RABGAP1: variants seen among roughly 807,000 people sequenced by gnomAD.
The protein encoded by RABGAP1 is rab GTPase-activating protein 1.
RABGAP1 carries 23 observed loss-of-function variants against 137.6 expected under a neutral mutation model. That is an observed-to-expected ratio of 0.17 (90% confidence interval 0.12 to 0.24). RABGAP1 has a LOEUF of 0.24. RABGAP1 is among the 10% of genes least tolerant of loss of function. The pLI, the probability that RABGAP1 is intolerant of heterozygous loss-of-function variation, is 1.00. For missense variants in RABGAP1, 906 were observed against 1,275.8 expected (o/e 0.71, Z 4.42); for synonymous variants, 451 against 450.7 (o/e 1.00, Z -0.01).
intron 25 of RABGAP1, 118 bp downstream of exon 25, chr9:123,101,881 C>T: frequency 2.8e-6 from 3 of 1,090,496 alleles, no homozygotes; most frequent in Non-Finnish European, 3.8e-6. Context: ...ACTTTGGTCA[C>T]AGTTGTCATG....
At chr9:122,946,851 G>T (rs771761457) in intron 1 of RABGAP1, among the ~76,000 whole-genome samples, 19 of 152,082 alleles carry the variant, frequency 1.2e-4, no homozygotes, top group Non-Finnish European at 2.5e-4. Context: ...TCTGTTTTAT[G>T]CACATTTCAT....
At chr9:123,042,805 C>T (rs1053370336) in intron 13 of RABGAP1, among the ~76,000 whole-genome samples, 13 of 152,070 alleles carry the variant, frequency 8.5e-5, no homozygotes, top group Non-Finnish European at 1.5e-4. Context: ...CTGAAAGATA[C>T]GTGTTTTCAT....
At chr9:123,046,524 C>G (rs762585127) in intron 13 of RABGAP1, among the ~76,000 whole-genome samples, 46 of 148,630 alleles carry the variant, frequency 3.1e-4, no homozygotes, top group Non-Finnish European at 6.3e-4. Context: ...GCTGTGAGAC[C>G]TGGGGCAAAG....
At chr9:122,966,998 C>T (rs1588182270) in intron 2 of RABGAP1, among the ~76,000 whole-genome samples, 1 of 152,154 alleles carries the variant, frequency 6.6e-6, no homozygotes, top group Admixed American at 6.5e-5. Context: ...CAGGTTCCTC[C>T]CACAACACAT....
intron 13 of RABGAP1, among the ~76,000 whole-genome samples, chr9:123,022,273 C>T (rs1234884032): frequency 2.6e-5 from 4 of 151,896 alleles, no homozygotes; most frequent in East Asian, 1.9e-4. Context: ...AAAGTGGTGA[C>T]GTCTGTTGAT....
intron 15 of RABGAP1, among the ~76,000 whole-genome samples, chr9:123,071,974 T>A (rs750397846): frequency 5.9e-5 from 9 of 151,930 alleles, no homozygotes; most frequent in Non-Finnish European, 1.3e-4. Context: ...AGATAAGGAG[T>A]CTGAATCTTG....
intron 10 of RABGAP1, among the ~76,000 whole-genome samples, chr9:123,000,185 A>T (rs1045948582): frequency 8.5e-5 from 13 of 152,080 alleles, no homozygotes; most frequent in Non-Finnish European, 1.3e-4. Flanking sequence ...TACAAGTTAA[A>T]CATCTTAAGT....
At chr9:122,936,912 C>T (rs913249780), upstream of RABGAP1, among the ~76,000 whole-genome samples, 3 of 152,106 alleles carry the variant, frequency 2.0e-5, no homozygotes, top group Admixed American at 6.6e-5. Flanking sequence ...AGCTTTCACC[C>T]GAGGCTGATC....
chr9:123,015,430 T>G (rs1257493489), intron 11 of RABGAP1, 113 bp from the exon 12 acceptor site: 3 of 594,538 alleles, frequency 5.0e-6, no homozygotes, highest in South Asian at 2.7e-5. Context: ...AGAGAGAAAT[T>G]ATGACTTTAT....
chr9:122,985,711 A>G (rs934012094), intron 3 of RABGAP1, among the ~76,000 whole-genome samples: 1 of 152,202 alleles, frequency 6.6e-6, no homozygotes, highest in African/African-American at 2.4e-5. Flanking sequence ...TACAAAGTCA[A>G]AACAAATTAG....
chr9:123,094,571 T>C (rs1012613677), intron 21 of RABGAP1, among the ~76,000 whole-genome samples: 4 of 152,202 alleles, frequency 2.6e-5, no homozygotes, highest in African/African-American at 9.6e-5. Context: ...TTAATTCTTA[T>C]TAAATATTTA....
At chr9:123,074,811 C>T (rs939385368) in intron 17 of RABGAP1, among the ~76,000 whole-genome samples, 5 of 152,174 alleles carry the variant, frequency 3.3e-5, no homozygotes, top group Admixed American at 1.3e-4. Context: ...AGCACACCAG[C>T]CATTATATCA....
chr9:123,074,457 CT>C (rs759621345), intron 17 of RABGAP1, 29 bp downstream of exon 17: 4 of 1,591,190 alleles, frequency 2.5e-6, no homozygotes, highest in African/African-American at 1.4e-5. Context: ...AGCACTTTGG[CT>C]TTTGTTTGCA....
At chr9:123,010,880 A>G (rs2030746331) in intron 11 of RABGAP1, among the ~76,000 whole-genome samples, 2 of 152,178 alleles carry the variant, frequency 1.3e-5, no homozygotes, top group South Asian at 4.1e-4. Flanking sequence ...TGCAGGAACA[A>G]ATTCACTGTG....
At chr9:123,055,203 T>C (rs1045861429) in intron 13 of RABGAP1, among the ~76,000 whole-genome samples, 3 of 152,148 alleles carry the variant, frequency 2.0e-5, no homozygotes, top group African/African-American at 7.2e-5. Flanking sequence ...TATTGATTGA[T>C]TGACTGAAAG....
At position 122,989,443 on chromosome 9, in the gene RABGAP1, A is replaced by G; in HGVS notation, c.737A>G (p.His246Arg). ...TACAATGCAGAGCTCTTCAGAATAC[A>G]CGTCTTCCGGTGTGAAATACAAGAA... is the stretch of plus-strand genomic sequence containing the variant. ...SHYNAELFRI[H>R]VFRCEIQEAV... The change falls in exon 5 of 26, where the codon CAC becomes CGC. Residue 246 changes from histidine to arginine, a missense_variant. Physicochemically the swap from His to Arg is conservative, Grantham distance 29. This residue lies in a region of RABGAP1 where 331 missense variants were observed against 358.3 expected (regional missense o/e 0.92). Coordinates refer to ENST00000373647, the MANE Select transcript of RABGAP1 (RefSeq NM_012197.4). The G allele has an allele frequency of 6.2e-7, 1 of 1,614,036 alleles. No individual in the cohort carries two copies. Among genetic ancestry groups the G allele is most frequent in the South Asian group, 1.1e-5 (1 of 91,082 alleles).
chr9:122,984,457 G>T, intron 2 of RABGAP1, 28 bp from the exon 3 acceptor site: 1 of 1,584,678 alleles, frequency 6.3e-7, no homozygotes, highest in Non-Finnish European at 8.6e-7. Flanking sequence ...TTGTCACTTT[G>T]CTGATTGCAT....
At chr9:123,020,512 G>T (rs1012117844) in intron 13 of RABGAP1, 53 bp downstream of exon 13, 3 of 1,391,630 alleles carry the variant, frequency 2.2e-6, no homozygotes, top group Non-Finnish European at 1.9e-6. Context: ...GATTTGTGAT[G>T]AAAAGATCAT....
intron 1 of RABGAP1, among the ~76,000 whole-genome samples, chr9:122,955,158 G>A (rs942620953): frequency 6.6e-6 from 1 of 152,138 alleles, no homozygotes; most frequent in African/African-American, 2.4e-5. Context: ...AATCCTGTGA[G>A]GGCAAATATC....
Sources: allele counts gnomAD v4.1 joint callset (sites outside exome capture counted in the v4.1 genomes callset), GRCh38; gene constraint gnomAD v4.1.1; regional missense constraint gnomAD v4.1.1; transcripts MANE v1.5; gene names NCBI Gene and HGNC (gene_info 2026-07-23, HGNC 2026-07-21).